IL1RAP: variants seen among roughly 807,000 people sequenced by gnomAD.
IL1RAP encodes the protein interleukin-1 receptor accessory protein.
In IL1RAP, 35 loss-of-function variants were observed where a neutral mutation model predicts 60.7. That is an observed-to-expected ratio of 0.58 (90% confidence interval 0.44 to 0.76). IL1RAP has a LOEUF of 0.76. Among genes scored for constraint, IL1RAP ranks in the 30% least tolerant of loss-of-function variants. The pLI is 0.00. For synonymous variants in IL1RAP, 268 were observed against 250.9 expected, an observed-to-expected ratio of 1.07 and a Z score of -0.64; for missense variants, 572 against 693.9, an observed-to-expected ratio of 0.82 and a Z score of 1.97.
intron 1 of IL1RAP, among the ~76,000 whole-genome samples, chr3:190,516,992 C>T (rs1721582053): frequency 6.6e-6 from 1 of 152,194 alleles, no homozygotes; most frequent in African/African-American, 2.4e-5. Context: ...GTTTCCTCGC[C>T]AATGAGATAT....
intron 3 of IL1RAP, among the ~76,000 whole-genome samples, chr3:190,586,822 C>T (rs561075811): frequency 1.3e-5 from 2 of 149,430 alleles, no homozygotes; most frequent in South Asian, 4.1e-4. Flanking sequence ...GGAGTCTCCA[C>T]TGGAAACAGG....
chr3:190,538,053 A>G (rs1462112375), intron 1 of IL1RAP, among the ~76,000 whole-genome samples: 1 of 152,014 alleles, frequency 6.6e-6, no homozygotes, highest in East Asian at 1.9e-4. Context: ...CTGGTCCCTA[A>G]GTACCCACAC....
intron 3 of IL1RAP, among the ~76,000 whole-genome samples, chr3:190,589,910 C>T (rs1728799393): frequency 6.6e-6 from 1 of 152,204 alleles, no homozygotes; most frequent in Non-Finnish European, 1.5e-5. Flanking sequence ...GCTCAGACTG[C>T]CTTCTGCATT....
intron 3 of IL1RAP, among the ~76,000 whole-genome samples, chr3:190,565,428 A>G (rs1158444513): frequency 6.6e-6 from 1 of 152,204 alleles, no homozygotes; most frequent in East Asian, 1.9e-4. Flanking sequence ...ACTGTTTTTC[A>G]TATGACATGG....
At chr3:190,590,469 G>A (rs552765218) in intron 3 of IL1RAP, among the ~76,000 whole-genome samples, 5 of 152,146 alleles carry the variant, frequency 3.3e-5, no homozygotes, top group South Asian at 4.2e-4. Flanking sequence ...TGCCCAAGCC[G>A]GTCGCGAACT....
intron 1 of IL1RAP, among the ~76,000 whole-genome samples, chr3:190,535,294 T>C (rs752933315): frequency 2.6e-4 from 39 of 152,234 alleles, no homozygotes; most frequent in Non-Finnish European, 1.3e-4. Context: ...TTAGCAGTGA[T>C]GAACGCTTAC....
At chr3:190,652,718 AT>A (rs1560249329), downstream of IL1RAP, among the ~76,000 whole-genome samples, 1 of 152,344 alleles carries the variant, frequency 6.6e-6, no homozygotes, top group Admixed American at 6.5e-5. Flanking sequence ...CCAGAGGTAT[AT>A]AAGCATTTAT....
chr3:190,585,037 A>G (rs1052735561), intron 3 of IL1RAP, among the ~76,000 whole-genome samples: 1 of 152,182 alleles, frequency 6.6e-6, no homozygotes, highest in Admixed American at 6.5e-5. Flanking sequence ...GGATGTATAG[A>G]TGGTGTGCTA....
chr3:190,621,199 AC>A (rs1373200636), intron 6 of IL1RAP, among the ~76,000 whole-genome samples: 1 of 152,234 alleles, frequency 6.6e-6, no homozygotes, highest in Non-Finnish European at 1.5e-5. Context: ...CATTAGGCTC[AC>A]TGACAAGAAG....
intron 5 of IL1RAP, among the ~76,000 whole-genome samples, chr3:190,609,910 C>T (rs546539597): frequency 3.8e-4 from 58 of 152,206 alleles, no homozygotes; most frequent in African/African-American, 1.2e-3. Context: ...AACAGGAGAA[C>T]GCCAAAAGAG....
rs749678523 is a variant in IL1RAP at position 190,537,662 on chromosome 3, T to TGAAGAC, written c.-88-18468_-88-18467insGAAGAC. ...TATATTGAAGACTAATAATGAGCAT[T>TGAAGAC]TAGTAATACATATCAAAATGTAGAA... is the stretch of plus-strand genomic sequence containing the variant. On this transcript the variant is annotated intron_variant, in intron 1 of 11. Transcript: ENST00000447382. Among the ~76,000 whole-genome samples the TGAAGAC allele has an allele frequency of 2.6e-3, 397 of 152,322 alleles. 1 individual carries two copies. Among genetic ancestry groups the TGAAGAC allele is most frequent in the Non-Finnish European group, 4.3e-3 (290 of 68,028 alleles).
intron 1 of IL1RAP, among the ~76,000 whole-genome samples, chr3:190,535,558 C>T (rs1560147599): frequency 6.6e-6 from 1 of 152,278 alleles, no homozygotes; most frequent in East Asian, 1.9e-4. Context: ...TTATAACTCA[C>T]TCTCAGCTCC....
Position 190,627,466 on chromosome 3 carries a change from C to G in IL1RAP, c.902+17C>G, listed in dbSNP as rs1206670518. 6.2e-7 allele frequency: 1 copy of G among 1,605,200 alleles called. No individual in the cohort carries two copies. The highest frequency in any genetic ancestry group is 1.7e-5 in the Admixed American group (1 of 58,044). On this transcript the variant is annotated intron_variant, in intron 8 of 11. Coordinates refer to ENST00000447382, the MANE Select transcript of IL1RAP (RefSeq NM_002182.4). ...TAACGAAAGGTATCATGGGGGCCAG[C>G]AAGGGAGTGATTAACCTTTGTTTCT... is the stretch of plus-strand genomic sequence containing the variant.
rs147794880 is a variant in IL1RAP at position 190,612,309 on chromosome 3, C to G, written c.537+3128C>G. On this transcript the variant is annotated intron_variant, in intron 5 of 11. Transcript: ENST00000447382. ...GTTTTACATCAATAAGTGTAATATACCTTCCAGTTAAAAAAAAAAGTTTAT... is the reference window on the plus strand; with the variant it reads ...GTTTTACATCAATAAGTGTAATATAGCTTCCAGTTAAAAAAAAAAGTTTAT... Among the ~76,000 whole-genome samples the G allele has an allele frequency of 5.7e-3, 863 of 152,108 alleles. 4 individuals are homozygous for G. Among genetic ancestry groups the G allele is most frequent in the South Asian group, 0.017 (81 of 4,808 alleles).
At chr3:190,544,321 A>G (rs1724193131) in intron 1 of IL1RAP, among the ~76,000 whole-genome samples, 1 of 152,182 alleles carries the variant, frequency 6.6e-6, no homozygotes, top group Non-Finnish European at 1.5e-5. Context: ...AAGTAGTGAA[A>G]TTATAATCAA....
rs1181141182 is a variant in IL1RAP at position 190,651,102 on chromosome 3, T to C, written c.*2397T>C. On this transcript the variant is annotated 3_prime_UTR_variant, in exon 12 of 12. Coordinates refer to ENST00000447382, the MANE Select transcript of IL1RAP (RefSeq NM_002182.4). ...TTTTAATGTTCCAGAAGATGGCCAA[T>C]AGAGAACATTCAAGGGAAATGGGGA... The C allele has an allele frequency of 1.0e-6, 1 of 984,898 alleles. No individual in the cohort carries two copies. The highest frequency in any genetic ancestry group is 1.8e-5 in the African/African-American group (1 of 57,142). The allele number at this position is 984,898 out of a possible 1,614,324, so 61.0% of individuals were successfully genotyped here.
intron 1 of IL1RAP, among the ~76,000 whole-genome samples, chr3:190,522,149 T>G (rs1465604635): frequency 1.3e-5 from 2 of 152,096 alleles, no homozygotes; most frequent in Non-Finnish European, 2.9e-5. Context: ...GGCAGCAGAT[T>G]GAATGAATAG....
downstream of IL1RAP, among the ~76,000 whole-genome samples, chr3:190,653,417 T>C (rs146529772): frequency 2.9e-3 from 443 of 152,300 alleles, 1 homozygote; most frequent in Non-Finnish European, 4.5e-3. Context: ...AAGATACAAA[T>C]AGGGATAAAT....
chr3:190,525,359 G>A (rs73198204), intron 1 of IL1RAP, among the ~76,000 whole-genome samples: 9,526 of 152,230 alleles, frequency 0.063, 405 homozygotes, highest in African/African-American at 0.12. Flanking sequence ...GCCTGAGGTC[G>A]TCACTGAGGT....
Sources: allele counts gnomAD v4.1 joint callset (sites outside exome capture counted in the v4.1 genomes callset), GRCh38; gene constraint gnomAD v4.1.1; transcripts MANE v1.5; gene names NCBI Gene and HGNC (gene_info 2026-07-23, HGNC 2026-07-21).